Variants in LRRC2 observed in about 807,000 individuals in gnomAD.
The protein encoded by LRRC2 is leucine-rich repeat-containing protein 2.
Under a neutral mutation model 40.2 loss-of-function variants are expected in LRRC2, and 27 were observed. That is an observed-to-expected ratio of 0.67 (90% CI 0.49 to 0.93). The LOEUF (loss-of-function observed/expected upper bound fraction) is 0.93. LRRC2 is among the 40% of genes least tolerant of loss of function. The probability of loss-of-function intolerance (pLI) is 0.00; values close to 1 mark genes in which losing one functional copy is unlikely to be tolerated. For missense variants in LRRC2, 402 were observed against 439.6 expected (o/e 0.91, Z 0.76); for synonymous variants, 147 against 158.9 (o/e 0.92, Z 0.56).
At chr3:46,529,276 G>A (rs1319033013) in intron 6 of LRRC2, among the ~76,000 whole-genome samples, 1 of 151,216 alleles carries the variant, frequency 6.6e-6, no homozygotes, top group East Asian at 2.0e-4. Context: ...ACATGAAATA[G>A]CTGCAAGAAT....
At chr3:46,531,905 C>T (rs1048347185) in intron 5 of LRRC2, among the ~76,000 whole-genome samples, 1 of 152,188 alleles carries the variant, frequency 6.6e-6, no homozygotes, top group African/African-American at 2.4e-5. Flanking sequence ...ATCCTTCTCT[C>T]GCTCCAGCAT....
intron 3 of LRRC2, 104 bp from the exon 4 acceptor site, chr3:46,539,305 C>T (rs1039668855): frequency 7.1e-6 from 8 of 1,134,680 alleles, no homozygotes; most frequent in Non-Finnish European, 7.6e-6. Context: ...AAAGCAGACA[C>T]GAGAGCATAA....
At chr3:46,548,904 C>G (rs903197137) in intron 2 of LRRC2, among the ~76,000 whole-genome samples, 1 of 152,150 alleles carries the variant, frequency 6.6e-6, no homozygotes, top group African/African-American at 2.4e-5. Flanking sequence ...AGGGTTTGTG[C>G]TCCTATGAGA....
At chr3:46,540,377 T>C (rs1704360204) in intron 3 of LRRC2, among the ~76,000 whole-genome samples, 1 of 151,988 alleles carries the variant, frequency 6.6e-6, no homozygotes, top group African/African-American at 2.4e-5. Flanking sequence ...ATACAAAAAT[T>C]AGCTAGGTGT....
At position 46,532,863 on chromosome 3, in the gene LRRC2, C is replaced by T. The variant is rs1704185878; in HGVS notation, c.537G>A (p.Leu179=). The T allele has an allele frequency of 6.2e-7, 1 of 1,613,958 alleles. No homozygotes were observed. Among genetic ancestry groups the T allele is most frequent in the African/African-American group, 1.3e-5 (1 of 74,948 alleles). ...CTCCCAATTCTGGAGGAATGCTCTT[C>T]AGATAGTTGAAACCCACATTGAGTT... ...LKELNVGFNY[L]KSIPPELGDC... is the part of the protein sequence containing the mutation. Residue 179 remains leucine (L), a synonymous_variant, in exon 5 of 9, where the codon CTG becomes CTA. Transcript: ENST00000395905.
At chr3:46,545,556 G>A (rs1704507828) in intron 2 of LRRC2, among the ~76,000 whole-genome samples, 2 of 152,162 alleles carry the variant, frequency 1.3e-5, no homozygotes, top group Admixed American at 1.3e-4. Flanking sequence ...AAAAAGTGCA[G>A]GGCCACAGGG....
At chr3:46,529,875 T>C (rs771016538) in intron 6 of LRRC2, 30 bp downstream of exon 6, 1 of 1,612,638 alleles carries the variant, frequency 6.2e-7, no homozygotes, top group Non-Finnish European at 8.5e-7. Context: ...AACTAATACA[T>C]ACACCTCACC....
At chr3:46,544,184 G>T (rs867109442) in intron 3 of LRRC2, among the ~76,000 whole-genome samples, 1 of 150,102 alleles carries the variant, frequency 6.7e-6, no homozygotes, top group Non-Finnish European at 1.5e-5. Context: ...TCAGGAATTC[G>T]AGACCAGCCT....
chr3:46,549,528 C>T (rs1704597410), intron 2 of LRRC2, among the ~76,000 whole-genome samples: 1 of 152,188 alleles, frequency 6.6e-6, no homozygotes, highest in African/African-American at 2.4e-5. Context: ...CTAGAAAAGC[C>T]AAACAAATAT....
chr3:46,530,076 A>C, intron 5 of LRRC2, 26 bp from the exon 6 acceptor site: 1 of 1,567,002 alleles, frequency 6.4e-7, no homozygotes, highest in Non-Finnish European at 8.8e-7. Context: ...AAAATGTTCT[A>C]ATTACTTTTA....
At chr3:46,528,966 A>C (rs1050648110) in intron 6 of LRRC2, among the ~76,000 whole-genome samples, 5 of 152,062 alleles carry the variant, frequency 3.3e-5, no homozygotes, top group Non-Finnish European at 7.4e-5. Flanking sequence ...TATTTTAAAA[A>C]AGTAGCCAGG....
chr3:46,535,792 C>G (rs1396407245), intron 4 of LRRC2, among the ~76,000 whole-genome samples: 1 of 152,064 alleles, frequency 6.6e-6, no homozygotes, highest in Admixed American at 6.6e-5. Context: ...ATAACATTAA[C>G]ATAAAGATGA....
rs546591544 is a variant in LRRC2 at position 46,518,451 on chromosome 3, C to G, written c.*563G>C. 3.3e-5 allele frequency: 5 copies of G among 152,006 alleles called. No homozygotes were observed. The East Asian group carries it at 9.6e-4, about 29-fold the overall frequency. The allele number at this position is 152,006 out of a possible 1,614,324, so 9.4% of individuals were successfully genotyped here. A position where few individuals can be genotyped will look rare whatever the true frequency, so the allele number is the denominator to read the frequency against. ...ATCTCGGCTCACTGCAACTCCACCT[C>G]CCAGGTTCAAGCGATTCTCCTGCCT... On this transcript the variant is annotated 3_prime_UTR_variant, in exon 9 of 9. Coordinates refer to ENST00000395905, the MANE Select transcript of LRRC2 (RefSeq NM_024512.5).
chr3:46,531,038 T>C (rs955346682), intron 5 of LRRC2, among the ~76,000 whole-genome samples: 27 of 152,282 alleles, frequency 1.8e-4, no homozygotes, highest in African/African-American at 6.0e-4. Context: ...CCCTGACGTA[T>C]GTCAGGAAGA....
chr3:46,539,343 T>C (rs1357902674), intron 3 of LRRC2, 142 bp from the exon 4 acceptor site: 7 of 757,466 alleles, frequency 9.2e-6, no homozygotes, highest in Non-Finnish European at 1.5e-5. Context: ...TCCAGCCATT[T>C]CAAAAAGAAA....
chr3:46,550,377 C>CAT (rs1553613799), intron 2 of LRRC2, among the ~76,000 whole-genome samples: 1 of 84,008 alleles, frequency 1.2e-5, no homozygotes, highest in African/African-American at 5.0e-5. Context: ...CCTTACACAT[C>CAT]TTTTTTTTTT....
At chr3:46,536,648 T>C (rs1375869543) in intron 4 of LRRC2, among the ~76,000 whole-genome samples, 2 of 152,202 alleles carry the variant, frequency 1.3e-5, no homozygotes, top group African/African-American at 4.8e-5. Flanking sequence ...TGCTGATTCC[T>C]GGCCCTGTAC....
chr3:46,524,857 G>T (rs1170970911), intron 7 of LRRC2, among the ~76,000 whole-genome samples: 2 of 151,964 alleles, frequency 1.3e-5, no homozygotes, highest in African/African-American at 4.8e-5. Context: ...AGTACTCCAA[G>T]ATTTCTTATG....
At chr3:46,544,137 C>T (rs1575354840) in intron 3 of LRRC2, among the ~76,000 whole-genome samples, 1 of 152,184 alleles carries the variant, frequency 6.6e-6, no homozygotes, top group South Asian at 2.1e-4. Flanking sequence ...CCACCGAGTC[C>T]TTTTAGTCAC....
Sources: gnomAD v4.1 joint callset for allele counts (sites outside exome capture counted in the v4.1 genomes callset) on GRCh38, gnomAD v4.1.1 for gene constraint, MANE v1.5 for transcripts, NCBI Gene and HGNC (gene_info 2026-07-23, HGNC 2026-07-21) for gene names.